GPI: variants seen among roughly 807,000 people sequenced by gnomAD.
GPI encodes the protein glucose-6-phosphate isomerase, also known as D-hexose-6-phosphate anomerase.
In GPI, 56 loss-of-function variants were observed where a neutral mutation model predicts 75.8. That is an observed-to-expected ratio of 0.74 (90% CI 0.60 to 0.92). GPI has a LOEUF of 0.92. GPI is among the 40% of genes least tolerant of loss of function. The pLI is 0.00. For synonymous variants in GPI, 288 were observed against 285.4 expected, an observed-to-expected ratio of 1.01 and a Z score of -0.09; for missense variants, 638 against 741.0, an observed-to-expected ratio of 0.86 and a Z score of 1.61.
chr19:34,390,817 A>T (rs112229917), intron 9 of GPI, among the ~76,000 whole-genome samples: 18 of 74,642 alleles, frequency 2.4e-4, no homozygotes, highest in Non-Finnish European at 2.7e-5. Flanking sequence ...CAGGTATGAG[A>T]ATCTGGGTCT....
chr19:34,399,186 A>T, intron 14 of GPI, 21 bp from the exon 15 acceptor site: 2 of 1,609,360 alleles, frequency 1.2e-6, no homozygotes, highest in Non-Finnish European at 8.5e-7. Flanking sequence ...TCTCAAGCAT[A>T]ACTGATGTCT....
chr19:34,378,694 G>A (rs1301646485), intron 6 of GPI, among the ~76,000 whole-genome samples: 1 of 152,238 alleles, frequency 6.6e-6, no homozygotes, highest in Admixed American at 6.5e-5. Flanking sequence ...AGCCCCTCAG[G>A]GGAGAAGCTG....
chr19:34,393,194 G>T lies in GPI; in HGVS notation c.805-54G>T. On this transcript the variant is annotated intron_variant, in intron 9 of 17. Transcript: ENST00000356487. The surrounding 1 kb of genome is among the most constrained non-coding windows in gnomAD (Gnocchi z 4.4). ...CCAGGGACAGGGTTTCCGGCAGGAG[G>T]TGGGGGGCGGGGTGTGCCGGCCCTC... is the stretch of plus-strand genomic sequence containing the variant. 2.2e-6 allele frequency: 3 copies of T among 1,378,748 alleles called. No individual in the cohort carries two copies. The highest frequency in any genetic ancestry group is 1.2e-5 in the South Asian group (1 of 86,442). The allele number at this position is 1,378,748 out of a possible 1,614,324, so 85.4% of individuals were successfully genotyped here.
At chr19:34,396,481 T>C (rs1309033846) in intron 13 of GPI, 51 bp downstream of exon 13, 2 of 1,613,432 alleles carry the variant, frequency 1.2e-6, no homozygotes, top group Non-Finnish European at 1.7e-6. Flanking sequence ...GAAAGGATCT[T>C]CCAGAAGAGA....
chr19:34,361,100 C>CT (rs968779496), upstream of GPI, among the ~76,000 whole-genome samples: 8 of 148,392 alleles, frequency 5.4e-5, no homozygotes, highest in Non-Finnish European at 7.5e-5. Context: ...TCTTTCTTTC[C>CT]TTTTTTTTTG....
intron 7 of GPI, among the ~76,000 whole-genome samples, chr19:34,379,257 C>T (rs1439321540): frequency 1.3e-5 from 2 of 152,236 alleles, no homozygotes; most frequent in Non-Finnish European, 2.9e-5. Flanking sequence ...GCCCTTGGCG[C>T]TGCAGGAACT....
intron 4 of GPI, among the ~76,000 whole-genome samples, chr19:34,369,536 A>G (rs1379605274): frequency 2.6e-5 from 4 of 151,944 alleles, no homozygotes; most frequent in Non-Finnish European, 5.9e-5. Flanking sequence ...GTGAAACCCC[A>G]TCTCCACTAA....
intron 9 of GPI, among the ~76,000 whole-genome samples, chr19:34,389,484 T>C (rs2074790386): frequency 6.6e-6 from 1 of 152,162 alleles, no homozygotes. Context: ...CAGGAGAGAA[T>C]TAAGCCCTCA....
chr19:34,385,874 A>T (rs762209696), intron 9 of GPI, among the ~76,000 whole-genome samples: 29 of 152,300 alleles, frequency 1.9e-4, no homozygotes, highest in Non-Finnish European at 7.3e-5. Context: ...AGGTAGGTAG[A>T]TCTGGCATGC....
rs373085760 is a variant in GPI at position 34,396,637 on chromosome 19, C to T, written c.1249C>T (p.Arg417Trp). 3.7e-6 allele frequency: 6 copies of T among 1,614,006 alleles called. No homozygotes were observed. Among genetic ancestry groups the T allele is most frequent in the Non-Finnish European group, 5.1e-6 (6 of 1,179,964 alleles). ...CCCGGTCCAGACCCAGCACCCCATA[C>T]GGAAGGGTCTGCATCACAAGGTAAG... ...LIPVQTQHPI[R>W]KGLHHKILLA... Residue 417 changes from arginine (R) to tryptophan (W), a missense_variant, in exon 14 of 18, where the codon CGG becomes TGG. Transcript: ENST00000356487.
chr19:34,394,774 C>T (rs745533996), intron 12 of GPI, among the ~76,000 whole-genome samples: 24 of 151,742 alleles, frequency 1.6e-4, no homozygotes, highest in Non-Finnish European at 1.0e-4. Flanking sequence ...AGTGCAGTGG[C>T]GCGATCTCGG....
rs950412688 is a variant in GPI at position 34,393,650 on chromosome 19, G to C, written c.866-78G>C. ...CTGGCTCTCCATGCAGCCTTCCTTC[G>C]TTGCAGAAGGAGCTGTGCCCACTGC... On this transcript the variant is annotated intron_variant, in intron 10 of 17. Transcript: ENST00000356487. This position sits in a 1 kb window ranked among gnomAD's most constrained non-coding sequence, Gnocchi z 4.4. 1.2e-5 allele frequency: 16 copies of C among 1,375,324 alleles called. No individual in the cohort carries two copies. In the African/African-American group the frequency reaches 2.1e-4, roughly 18 times the overall value. 85.2% of individuals were successfully genotyped at this position (1,375,324 alleles called of 1,614,324 possible). A position where few individuals can be genotyped will look rare whatever the true frequency, so the allele number is the denominator to read the frequency against.
upstream of GPI, among the ~76,000 whole-genome samples, chr19:34,361,526 C>T (rs866192136): frequency 4.1e-4 from 63 of 151,998 alleles, 2 homozygotes; most frequent in Non-Finnish European, 1.5e-4. Flanking sequence ...GAGTAGTGGC[C>T]GTGTTGGTAG....
At position 34,396,618 on chromosome 19, in the gene GPI, C is replaced by G; in HGVS notation, c.1230C>G (p.Val410=). Residue 410 remains valine (V), a synonymous_variant, in exon 14 of 18, where the codon GTC becomes GTG. Transcript: ENST00000356487. ...KMIPCDFLIP[V]QTQHPIRKGL... ...TACCCTGTGACTTCCTCATCCCGGT[C>G]CAGACCCAGCACCCCATACGGAAGG... 6.2e-7 allele frequency: 1 copy of G among 1,614,182 alleles called. No homozygotes were observed. The highest frequency in any genetic ancestry group is 8.5e-7 in the Non-Finnish European group (1 of 1,180,016).
chr19:34,396,495 C>T (rs564685888), intron 13 of GPI, 65 bp downstream of exon 13: 164 of 1,612,466 alleles, frequency 1.0e-4, no homozygotes, highest in Middle Eastern at 9.9e-4. Flanking sequence ...GAAGAGATAT[C>T]TCACTTAGGT....
At chr19:34,376,917 G>A (rs1259382581) in intron 4 of GPI, among the ~76,000 whole-genome samples, 2 of 152,024 alleles carry the variant, frequency 1.3e-5, no homozygotes, top group Non-Finnish European at 2.9e-5. Context: ...AGGCATGCTG[G>A]TGGCGCAGGC....
In GPI at chr19:34,399,905, G is replaced by A. The variant is rs2074997576; in HGVS notation, c.1546G>A (p.Glu516Lys). The change falls in exon 18 of 18, where the codon GAG (glutamate) becomes AAG (lysine). Residue 516 changes from glutamate to lysine, a missense_variant. Glu to Lys is a moderately conservative substitution (Grantham distance 56). Coordinates refer to ENST00000356487, the MANE Select transcript of GPI (RefSeq NM_000175.5). ...DINSFDQWGV[E>K]LGKQLAKKIE... ...CTTCCCTTCCCTTCTTGGCAGAGTG[G>A]AGCTGGGAAAGCAGCTGGCTAAGAA... 2 of 1,613,950 alleles carry A rather than the reference G, an allele frequency of 1.2e-6. No individual in the cohort carries two copies. The highest frequency in any genetic ancestry group is 2.7e-5 in the African/African-American group (2 of 74,902).
At chr19:34,379,842 A>G (rs1191143991) in intron 8 of GPI, 3 of 578,362 alleles carry the variant, frequency 5.2e-6, no homozygotes, top group Non-Finnish European at 9.3e-6. Context: ...CTTCATACAC[A>G]TGACCTTCCT....
intron 4 of GPI, among the ~76,000 whole-genome samples, chr19:34,373,557 CAAAAAAAAA>C (rs538891535): frequency 6.3e-5 from 4 of 63,208 alleles, no homozygotes; most frequent in South Asian, 9.2e-4. Context: ...ATTCCATCTC[CAAAAAAAAA>C]AAAAAAAAAA....
Sources: gnomAD v4.1 joint callset for allele counts (sites outside exome capture counted in the v4.1 genomes callset) on GRCh38, gnomAD v4.1.1 for gene constraint, Gnocchi (gnomAD v3.1) non-coding constraint, MANE v1.5 for transcripts, NCBI Gene and HGNC (gene_info 2026-07-23, HGNC 2026-07-21) for gene names.